The following DPYSL2 variants were observed in gnomAD, a reference collection of about 807,000 sequenced individuals.
DPYSL2 encodes the protein dihydropyrimidinase like 2.
DPYSL2 carries 13 observed loss-of-function variants against 69.9 expected under a neutral mutation model. The observed-to-expected ratio is 0.19, with a 90% confidence interval of 0.12 to 0.30. The LOEUF (loss-of-function observed/expected upper bound fraction) is 0.30, where lower values mean the gene tolerates loss of function less well. Ranked by LOEUF, DPYSL2 falls within the 10% of genes least tolerant of loss-of-function variation. DPYSL2 has a pLI of 1.00. For synonymous variants in DPYSL2, 326 were observed against 359.1 expected (o/e 0.91, Z 1.04); for missense variants, 587 against 918.9 (o/e 0.64, Z 4.67).
chr8:26,535,937 T>TGTGTGTG (rs1585494592), intron 1 of DPYSL2, among the ~76,000 whole-genome samples: 8 of 145,088 alleles, frequency 5.5e-5, no homozygotes, highest in African/African-American at 2.0e-4. Flanking sequence ...TGTGTGTGTG[T>TGTGTGTG]TTGAGATGGG....
chr8:26,608,076 C>CAAAA (rs11355802), intron 3 of DPYSL2, among the ~76,000 whole-genome samples: 1 of 73,942 alleles, frequency 1.4e-5, no homozygotes, highest in Admixed American at 1.6e-4. Flanking sequence ...GACTCCATCT[C>CAAAA]AAAAAAAAAA....
chr8:26,628,402 G>A (rs1802667205), intron 7 of DPYSL2, among the ~76,000 whole-genome samples: 1 of 152,178 alleles, frequency 6.6e-6, no homozygotes, highest in South Asian at 2.1e-4. Context: ...TGCAGAGTTT[G>A]GTAGACAGAA....
In DPYSL2 at chr8:26,626,576, T is replaced by A; in HGVS notation, c.794-41T>A. The A allele has an allele frequency of 6.3e-7, 1 of 1,590,382 alleles. No homozygotes were observed. Among genetic ancestry groups the A allele is most frequent in the Non-Finnish European group, 8.6e-7 (1 of 1,159,144 alleles). On this transcript the variant is annotated intron_variant, in intron 4 of 13. Coordinates refer to ENST00000521913, the MANE Select transcript of DPYSL2 (RefSeq NM_001197293.3). This position sits in a 1 kb window ranked among gnomAD's most constrained non-coding sequence, Gnocchi z 4.3. ...CTTATCCCTTATTTGGTTATTTGGTTTATCTATTAAAAGTCCACTTCTCTA... is the reference window on the plus strand; with the variant it reads ...CTTATCCCTTATTTGGTTATTTGGTATATCTATTAAAAGTCCACTTCTCTA...
At position 26,562,213 on chromosome 8, in the gene DPYSL2, G is replaced by C. The variant is rs1357655489; in HGVS notation, c.355-19756G>C. Among the ~76,000 whole-genome samples, 6 of 152,292 alleles carry C rather than the reference G, an allele frequency of 3.9e-5. No individual in the cohort carries two copies. Among genetic ancestry groups the C allele is most frequent in the Admixed American group, 3.9e-4 (6 of 15,294 alleles). On this transcript the variant is annotated intron_variant, in intron 1 of 13. Coordinates refer to ENST00000521913, the MANE Select transcript of DPYSL2 (RefSeq NM_001197293.3). The surrounding 1 kb of genome is among the most constrained non-coding windows in gnomAD (Gnocchi z 4.9). ...CTGGCTCTGCCACGTGTGAGTTTTG[G>C]GTCCTGGGGAAAGTTCCTTAATCTC...
chr8:26,514,812 C>A lies in DPYSL2; in HGVS notation c.354+133C>A. 1 of 802,536 alleles carries A rather than the reference C, an allele frequency of 1.2e-6. No individual in the cohort carries two copies. Among genetic ancestry groups the A allele is most frequent in the Non-Finnish European group, 1.8e-6 (1 of 561,362 alleles). 49.7% of individuals were successfully genotyped at this position (802,536 alleles called of 1,614,324 possible). A position where few individuals can be genotyped will look rare whatever the true frequency, so the allele number is the denominator to read the frequency against. On this transcript the variant is annotated intron_variant, in intron 1 of 13. Transcript: ENST00000521913. This position sits in a 1 kb window ranked among gnomAD's most constrained non-coding sequence, Gnocchi z 8.4. ...CTCCCGCATCTGCACGCGCACCCCGCCCTACCCGCCCCTTCTCCGCGCAGG... is the reference window on the plus strand; with the variant it reads ...CTCCCGCATCTGCACGCGCACCCCGACCTACCCGCCCCTTCTCCGCGCAGG...
intron 3 of DPYSL2, among the ~76,000 whole-genome samples, chr8:26,590,678 C>T (rs554809349): frequency 4.1e-4 from 62 of 152,052 alleles, no homozygotes; most frequent in African/African-American, 1.3e-3. Flanking sequence ...CGGCCTTGAA[C>T]GGCTGGACTG....
intron 1 of DPYSL2, chr8:26,578,005 C>CTT: frequency 2.2e-6 from 3 of 1,373,226 alleles, no homozygotes; most frequent in Non-Finnish European, 2.8e-6. Flanking sequence ...CTCTCTCTCT[C>CTT]TCTCTCTCTC....
rs372906179 is a variant in DPYSL2, at chr8:26,626,697, C to T, written c.855+19C>T. ...TTGCCAGGTAAGAAAGTCGGCTTTT[C>T]GGAAGAGGCACCCTGACATTTGGTA... On this transcript the variant is annotated intron_variant, in intron 5 of 13. Transcript: ENST00000521913. This position sits in a 1 kb window ranked among gnomAD's most constrained non-coding sequence, Gnocchi z 4.3. The T allele has an allele frequency of 1.4e-4, 229 of 1,613,576 alleles. No homozygotes were observed. Among genetic ancestry groups the T allele is most frequent in the Non-Finnish European group, 1.8e-4 (214 of 1,179,654 alleles).
chr8:26,573,903 T>A (rs966921807), intron 1 of DPYSL2, among the ~76,000 whole-genome samples: 9 of 151,860 alleles, frequency 5.9e-5, no homozygotes, highest in African/African-American at 1.9e-4. Context: ...GGATTTTTTT[T>A]TTTTTTTGAC....
At chr8:26,549,770 C>T (rs1034527752) in intron 1 of DPYSL2, among the ~76,000 whole-genome samples, 2 of 152,122 alleles carry the variant, frequency 1.3e-5, no homozygotes, top group Non-Finnish European at 1.5e-5. Context: ...TGAAAGATTT[C>T]GTGCTGAAAG....
chr8:26,604,316 C>T (rs1272535884), intron 3 of DPYSL2, among the ~76,000 whole-genome samples: 1 of 152,170 alleles, frequency 6.6e-6, no homozygotes, highest in Non-Finnish European at 1.5e-5. Context: ...GCCACATTTG[C>T]ATAGTGAGGT....
In DPYSL2 at chr8:26,514,697, G is replaced by A. The variant is rs1808245025; in HGVS notation, c.354+18G>A. On this transcript the variant is annotated intron_variant, in intron 1 of 13. Transcript: ENST00000521913. The surrounding 1 kb of genome is among the most constrained non-coding windows in gnomAD (Gnocchi z 8.4). ...ACGACCAGGTCGGTGTGGGGGTTGGGGGTGGAGACGGAGGACGGGGCGCGG... is the reference window on the plus strand; with the variant it reads ...ACGACCAGGTCGGTGTGGGGGTTGGAGGTGGAGACGGAGGACGGGGCGCGG... 1 of 1,379,702 alleles carries A rather than the reference G, an allele frequency of 7.2e-7. No individual in the cohort carries two copies. The highest frequency in any genetic ancestry group is 9.3e-7 in the Non-Finnish European group (1 of 1,070,078). The allele number at this position is 1,379,702 out of a possible 1,614,324, so 85.5% of individuals were successfully genotyped here. A position where few individuals can be genotyped will look rare whatever the true frequency, so the allele number is the denominator to read the frequency against.
At chr8:26,519,270 C>T (rs944609978) in intron 1 of DPYSL2, among the ~76,000 whole-genome samples, 2 of 152,156 alleles carry the variant, frequency 1.3e-5, no homozygotes, top group Non-Finnish European at 2.9e-5. Context: ...CAAATGTGTA[C>T]TATCATTGAA....
At chr8:26,523,939 G>T (rs1808433736) in intron 1 of DPYSL2, among the ~76,000 whole-genome samples, 2 of 152,186 alleles carry the variant, frequency 1.3e-5, no homozygotes, top group Admixed American at 6.5e-5. Flanking sequence ...GGACAATTGG[G>T]TTATCCATCT....
intron 1 of DPYSL2, among the ~76,000 whole-genome samples, chr8:26,538,818 GA>G (rs1240649799): frequency 6.6e-6 from 1 of 152,182 alleles, no homozygotes; most frequent in African/African-American, 2.4e-5. Flanking sequence ...TGCAAAGAGG[GA>G]TTTTCTTGGG....
At chr8:26,649,649 C>G (rs558084279) in intron 11 of DPYSL2, among the ~76,000 whole-genome samples, 3 of 152,226 alleles carry the variant, frequency 2.0e-5, no homozygotes, top group Admixed American at 6.5e-5. Context: ...CTGCATAGTA[C>G]AGTGTTTCCT....
chr8:26,572,373 G>A (rs1321825894), intron 1 of DPYSL2, among the ~76,000 whole-genome samples: 1 of 152,226 alleles, frequency 6.6e-6, no homozygotes, highest in Non-Finnish European at 1.5e-5. Flanking sequence ...CTTCCCTGCA[G>A]TTTGGATGAT....
chr8:26,652,725 G>A lies in DPYSL2; in HGVS notation c.1776+289G>A, dbSNP rs1040822781. On this transcript the variant is annotated intron_variant, in intron 12 of 13. Coordinates refer to ENST00000521913, the MANE Select transcript of DPYSL2 (RefSeq NM_001197293.3). This position sits in a 1 kb window ranked among gnomAD's most constrained non-coding sequence, Gnocchi z 6.3. ...GCTGTAGTTGGGGAGAGTGTCATGG[G>A]GAGAGGACATTTTGAGTTGGGCTTT... is the stretch of plus-strand genomic sequence containing the variant. 6.6e-6 allele frequency among the ~76,000 whole-genome samples: 1 copy of A among 152,164 alleles called. No homozygotes were observed. The highest frequency in any genetic ancestry group is 2.4e-5 in the African/African-American group (1 of 41,444).
In DPYSL2 at chr8:26,588,768, C is replaced by T. The variant is rs1357295396; in HGVS notation, c.628+4785C>T. ...CCATCCAACTGTCCCCAGTTGGACT[C>T]CCTGTCTGCTCCTTGCTGCTTTTCC... On this transcript the variant is annotated intron_variant, in intron 3 of 13. Coordinates refer to ENST00000521913, the MANE Select transcript of DPYSL2 (RefSeq NM_001197293.3). The surrounding 1 kb of genome is among the most constrained non-coding windows in gnomAD (Gnocchi z 5.4). Among the ~76,000 whole-genome samples the T allele has an allele frequency of 6.6e-6, 1 of 152,174 alleles. No homozygotes were observed. The highest frequency in any genetic ancestry group is 2.4e-5 in the African/African-American group (1 of 41,438).
Sources: gnomAD v4.1 joint callset for allele counts (sites outside exome capture counted in the v4.1 genomes callset) on GRCh38, gnomAD v4.1.1 for gene constraint, Gnocchi (gnomAD v3.1) non-coding constraint, MANE v1.5 for transcripts, NCBI Gene and HGNC (gene_info 2026-07-23, HGNC 2026-07-21) for gene names.